MTUS2: variants seen among roughly 807,000 people sequenced by gnomAD.
MTUS2 encodes microtubule-associated tumor suppressor candidate 2.
In MTUS2, 40 loss-of-function variants were observed where a neutral mutation model predicts 114.1. The observed-to-expected ratio is 0.35, with a 90% CI of 0.27 to 0.46. MTUS2 has a LOEUF of 0.46. Among genes scored for constraint, MTUS2 ranks in the 20% least tolerant of loss-of-function variants. MTUS2 has a pLI of 1.00. For synonymous variants in MTUS2, 688 were observed against 672.0 expected, an observed-to-expected ratio of 1.02 and a Z score of -0.37; for missense variants, 1,679 against 1,705.4, an observed-to-expected ratio of 0.98 and a Z score of 0.27.
At chr13:29,365,416 G>C (rs1870619236) in intron 8 of MTUS2, among the ~76,000 whole-genome samples, 1 of 152,020 alleles carries the variant, frequency 6.6e-6, no homozygotes, top group African/African-American at 2.4e-5. Flanking sequence ...GGTGCAATAA[G>C]ATGAGAACAG....
chr13:28,998,496 G>C (rs908480931), intron 2 of MTUS2, among the ~76,000 whole-genome samples: 59 of 152,302 alleles, frequency 3.9e-4, no homozygotes, highest in Admixed American at 1.6e-3. Context: ...TTTCCAACTT[G>C]GTTCCATTCT....
At chr13:29,102,216 T>C (rs890582726) in intron 5 of MTUS2, among the ~76,000 whole-genome samples, 26 of 152,242 alleles carry the variant, frequency 1.7e-4, no homozygotes, top group African/African-American at 6.0e-4. Flanking sequence ...AGCAGTCTGA[T>C]GATTTGAAAA....
intron 5 of MTUS2, among the ~76,000 whole-genome samples, chr13:29,268,839 C>T (rs575057669): frequency 6.6e-6 from 1 of 152,266 alleles, no homozygotes; most frequent in South Asian, 2.1e-4. Flanking sequence ...CAGCAATCCT[C>T]CTACCTCAGC....
chr13:29,389,184 T>C (rs1218182302), intron 8 of MTUS2, among the ~76,000 whole-genome samples: 1 of 150,184 alleles, frequency 6.7e-6, no homozygotes, highest in Non-Finnish European at 1.5e-5. Flanking sequence ...TATATATATC[T>C]ATATATCTAT....
intron 3 of MTUS2, among the ~76,000 whole-genome samples, chr13:29,029,417 G>A (rs566067890): frequency 6.6e-6 from 1 of 152,234 alleles, no homozygotes; most frequent in South Asian, 2.1e-4. Context: ...GGATTTTTAC[G>A]TCAGTCTCTG....
intron 2 of MTUS2, among the ~76,000 whole-genome samples, chr13:28,856,640 CT>C (rs1348169189): frequency 6.6e-6 from 1 of 152,152 alleles, no homozygotes; most frequent in East Asian, 1.9e-4. Flanking sequence ...AACTCTGCCG[CT>C]TATCTGGGGA....
intron 2 of MTUS2, among the ~76,000 whole-genome samples, chr13:28,851,810 A>G (rs1214618668): frequency 1.4e-5 from 1 of 69,046 alleles, no homozygotes; most frequent in Non-Finnish European, 3.8e-5. Context: ...GGAGCACTTG[A>G]GCAGGACTTA....
intron 8 of MTUS2, among the ~76,000 whole-genome samples, chr13:29,426,545 C>T (rs1876546083): frequency 6.6e-6 from 1 of 152,200 alleles, no homozygotes; most frequent in African/African-American, 2.4e-5. Flanking sequence ...TCCCTGTCCC[C>T]AGCCCTTGGC....
chr13:29,369,448 G>A (rs35132346), intron 8 of MTUS2, among the ~76,000 whole-genome samples: 18,136 of 152,198 alleles, frequency 0.12, 1,252 homozygotes, highest in African/African-American at 0.19. Context: ...GTCAACTACA[G>A]TCCTGCCTAT....
intron 2 of MTUS2, among the ~76,000 whole-genome samples, chr13:28,948,631 A>G (rs938824649): frequency 3.9e-5 from 6 of 152,168 alleles, no homozygotes; most frequent in Non-Finnish European, 8.8e-5. Flanking sequence ...GATGCTTGCA[A>G]TCTGTTGAAA....
At chr13:29,322,125 A>G (rs1900280298) in intron 6 of MTUS2, among the ~76,000 whole-genome samples, 1 of 152,208 alleles carries the variant, frequency 6.6e-6, no homozygotes, top group African/African-American at 2.4e-5. Flanking sequence ...TGCATTTTTG[A>G]TAAAATTCAA....
chr13:29,275,547 A>G (rs1223908003), intron 5 of MTUS2, among the ~76,000 whole-genome samples: 2 of 152,050 alleles, frequency 1.3e-5, no homozygotes, highest in Non-Finnish European at 2.9e-5. Context: ...TCTAATAACC[A>G]TCCTTGTACT....
At chr13:29,097,571 A>G (rs1014023225) in intron 4 of MTUS2, among the ~76,000 whole-genome samples, 1 of 152,240 alleles carries the variant, frequency 6.6e-6, no homozygotes, top group African/African-American at 2.4e-5. Context: ...TAAATGTCTT[A>G]GTTCCAGCCG....
At chr13:29,213,003 A>G (rs1210120418) in intron 5 of MTUS2, among the ~76,000 whole-genome samples, 1 of 152,046 alleles carries the variant, frequency 6.6e-6, no homozygotes. Flanking sequence ...CCACCAAGAG[A>G]GTCTGTCATT....
rs137979835 is a variant in MTUS2, at chr13:29,402,967, C to G, written c.3118-37016C>G. Among the ~76,000 whole-genome samples, 104 of 152,182 alleles carry G rather than the reference C, an allele frequency of 6.8e-4. 2 individuals are homozygous for G. In the East Asian group the frequency reaches 0.017, roughly 26 times the overall value. ...GCCCAGGATGGTCTCAATCTCCTGA[C>G]CTCGTGATCTGCCTGCCTCGGCCTC... On this transcript the variant is annotated intron_variant, in intron 8 of 15. Coordinates refer to ENST00000612955, the MANE Select transcript of MTUS2 (RefSeq NM_001033602.4).
chr13:28,846,945 A>G (rs966483039), intron 2 of MTUS2, among the ~76,000 whole-genome samples: 1 of 152,164 alleles, frequency 6.6e-6, no homozygotes, highest in East Asian at 1.9e-4. Flanking sequence ...ATTCATTCCC[A>G]ATATTATTTG....
chr13:28,986,203 G>A (rs555485774), intron 2 of MTUS2, among the ~76,000 whole-genome samples: 1 of 152,120 alleles, frequency 6.6e-6, no homozygotes. Context: ...CTTGGGAGCG[G>A]GCATAGATGG....
At chr13:28,861,575 G>A (rs147693835) in intron 2 of MTUS2, among the ~76,000 whole-genome samples, 2 of 152,108 alleles carry the variant, frequency 1.3e-5, no homozygotes, top group East Asian at 3.9e-4. Context: ...GTAGGCAATA[G>A]TTGCAGTTAC....
chr13:29,065,646 G>C (rs1402090574), intron 4 of MTUS2, among the ~76,000 whole-genome samples: 2 of 152,154 alleles, frequency 1.3e-5, no homozygotes, highest in Non-Finnish European at 2.9e-5. Context: ...AGTTTCTTTT[G>C]TGGGATTGCA....
Sources: gnomAD v4.1 joint callset for allele counts (sites outside exome capture counted in the v4.1 genomes callset) on GRCh38, gnomAD v4.1.1 for gene constraint, MANE v1.5 for transcripts, NCBI Gene and HGNC (gene_info 2026-07-23, HGNC 2026-07-21) for gene names.